The following CNIH3 variants were observed in gnomAD, a reference collection of about 807,000 sequenced individuals.
CNIH3 encodes cornichon family AMPA receptor auxiliary protein 3, also known as protein cornichon homolog 3.
Under a neutral mutation model 24.1 loss-of-function variants are expected in CNIH3, and 14 were observed. That is an observed-to-expected ratio of 0.58 (90% CI 0.38 to 0.91). CNIH3 has a LOEUF of 0.91. CNIH3 is among the 40% of genes least tolerant of loss of function. CNIH3 has a pLI of 0.00. For synonymous variants in CNIH3, 68 were observed against 73.8 expected (o/e 0.92, Z 0.40); for missense variants, 178 against 196.8 (o/e 0.90, Z 0.57).
upstream of CNIH3, among the ~76,000 whole-genome samples, chr1:224,513,363 A>G (rs867818882): frequency 3.7e-3 from 198 of 53,850 alleles, no homozygotes; most frequent in Admixed American, 4.9e-3. Flanking sequence ...TGGGGGTGGG[A>G]GGGGGGGGGT....
chr1:224,618,150 C>T (rs1213335958), intron 1 of CNIH3, among the ~76,000 whole-genome samples: 1 of 152,192 alleles, frequency 6.6e-6, no homozygotes, highest in Admixed American at 6.5e-5. Context: ...GTGCGTACGC[C>T]GGTCCTCTCA....
At chr1:224,712,017 C>CT (rs1417996801) in intron 3 of CNIH3, among the ~76,000 whole-genome samples, 6 of 152,110 alleles carry the variant, frequency 3.9e-5, no homozygotes, top group Non-Finnish European at 8.8e-5. Flanking sequence ...CCCAAAGGCC[C>CT]TTTCCCCAGG....
At chr1:224,732,501 G>C (rs781614086) in intron 4 of CNIH3, among the ~76,000 whole-genome samples, 3 of 152,112 alleles carry the variant, frequency 2.0e-5, no homozygotes, top group Non-Finnish European at 2.9e-5. Flanking sequence ...TTGATACATG[G>C]GGACACAGAG....
At chr1:224,658,465 C>A (rs1685199279) in intron 1 of CNIH3, among the ~76,000 whole-genome samples, 1 of 151,786 alleles carries the variant, frequency 6.6e-6, no homozygotes, top group South Asian at 2.1e-4. Flanking sequence ...CTGTGCCTGG[C>A]CAAAAAGACT....
chr1:224,459,900 C>G (rs1320275651), intron 1 of CNIH3, among the ~76,000 whole-genome samples: 1 of 112,566 alleles, frequency 8.9e-6, no homozygotes, highest in Non-Finnish European at 1.8e-5. Context: ...TTTTTTTTGA[C>G]CGGGTCTTGC....
intron 1 of CNIH3, among the ~76,000 whole-genome samples, chr1:224,501,103 ATC>A (rs1411957356): frequency 6.6e-6 from 1 of 151,694 alleles, no homozygotes; most frequent in Admixed American, 6.6e-5. Context: ...CTTTTTTTTC[ATC>A]TCTCTACTCT....
intron 4 of CNIH3, among the ~76,000 whole-genome samples, chr1:224,566,601 G>C (rs11803050): frequency 6.6e-6 from 1 of 151,970 alleles, no homozygotes; most frequent in Non-Finnish European, 1.5e-5. Context: ...TCCCACTTAT[G>C]AGTGAGAACA....
At chr1:224,479,636 C>CTTTA (rs557683250) in intron 1 of CNIH3, among the ~76,000 whole-genome samples, 243 of 152,302 alleles carry the variant, frequency 1.6e-3, no homozygotes, top group African/African-American at 5.7e-3. Flanking sequence ...AGACATTGGC[C>CTTTA]AAAACAAAGG....
Position 224,436,271 on chromosome 1 carries a change from C to A in CNIH3, n.203+1409C>A, listed in dbSNP as rs537238853. Among the ~76,000 whole-genome samples the A allele has an allele frequency of 2.0e-5, 3 of 152,182 alleles. No individual in the cohort carries two copies. The East Asian group carries it at 5.8e-4, about 29-fold the overall frequency. On this transcript the variant is annotated intron_variant and non_coding_transcript_variant, in intron 1 of 5. Coordinates refer to the CNIH3 transcript ENST00000471578. ...AGCTCTGTCACTGTATCCAGCAGAG[C>A]CTGAATTACTAGATAGTTAACACCC... is the stretch of plus-strand genomic sequence containing the variant.
chr1:224,726,428 A>C (rs1231875743), intron 3 of CNIH3, among the ~76,000 whole-genome samples: 1 of 152,230 alleles, frequency 6.6e-6, no homozygotes, highest in Non-Finnish European at 1.5e-5. Flanking sequence ...TTGCCAGCAA[A>C]TGAAAATTGA....
chr1:224,681,091 A>C (rs1261724505), intron 2 of CNIH3, 65 bp downstream of exon 2: 5 of 1,337,078 alleles, frequency 3.7e-6, no homozygotes, highest in Non-Finnish European at 5.4e-6. Flanking sequence ...CCTGGGAAGG[A>C]GGGTGAGAAT....
chr1:224,526,669 G>C (rs1678859500), intron 2 of CNIH3, among the ~76,000 whole-genome samples: 1 of 152,086 alleles, frequency 6.6e-6, no homozygotes, highest in South Asian at 2.1e-4. Context: ...CTAGTCTAAG[G>C]CATTTTGTTA....
chr1:224,477,328 G>A (rs1558093393), intron 1 of CNIH3, among the ~76,000 whole-genome samples: 1 of 152,160 alleles, frequency 6.6e-6, no homozygotes, highest in Non-Finnish European at 1.5e-5. Flanking sequence ...GTCTTTCCTC[G>A]TATCCACCAT....
At chr1:224,541,847 A>T (rs1283564589), downstream of CNIH3, among the ~76,000 whole-genome samples, 2 of 152,202 alleles carry the variant, frequency 1.3e-5, no homozygotes, top group Non-Finnish European at 2.9e-5. Flanking sequence ...ACTGTATCTT[A>T]TCTTATTTTT....
intron 1 of CNIH3, among the ~76,000 whole-genome samples, chr1:224,498,048 C>CAAA: frequency 6.6e-6 from 1 of 152,112 alleles, no homozygotes; most frequent in Admixed American, 6.5e-5. Flanking sequence ...AGGCACTGTG[C>CAAA]AAAGGGAGGG....
intron 2 of CNIH3, among the ~76,000 whole-genome samples, chr1:224,544,977 A>G (rs1170156802): frequency 6.6e-6 from 1 of 152,134 alleles, no homozygotes; most frequent in Non-Finnish European, 1.5e-5. Flanking sequence ...AGTGTTAGCT[A>G]AGAGACCATG....
intron 1 of CNIH3, among the ~76,000 whole-genome samples, chr1:224,655,937 A>C (rs1485597793): frequency 6.6e-6 from 1 of 152,186 alleles, no homozygotes; most frequent in Non-Finnish European, 1.5e-5. Context: ...TGATTATGTG[A>C]GTTTCAGCTT....
At chr1:224,576,933 C>A (rs1236699338) in intron 4 of CNIH3, among the ~76,000 whole-genome samples, 1 of 152,146 alleles carries the variant, frequency 6.6e-6, no homozygotes, top group Non-Finnish European at 1.5e-5. Flanking sequence ...GCCAACTGAT[C>A]TTCAGCAAAG....
At chr1:224,694,676 C>T (rs1384941142) in intron 3 of CNIH3, among the ~76,000 whole-genome samples, 1 of 152,086 alleles carries the variant, frequency 6.6e-6, no homozygotes, top group African/African-American at 2.4e-5. Flanking sequence ...ATTATGGAAC[C>T]AACCTAAATG....
Sources: gnomAD v4.1 joint callset for allele counts (sites outside exome capture counted in the v4.1 genomes callset) on GRCh38, gnomAD v4.1.1 for gene constraint, MANE v1.5 for transcripts, NCBI Gene and HGNC (gene_info 2026-07-23, HGNC 2026-07-21) for gene names.